Variants in TBL1X observed in about 807,000 individuals in gnomAD.
TBL1X encodes transducin beta like 1 X-linked.
In TBL1X, 10 loss-of-function variants were observed where a neutral mutation model predicts 50.7. The observed-to-expected ratio is 0.20, with a 90% CI of 0.12 to 0.33. The LOEUF is 0.33. TBL1X is among the 10% of genes least tolerant of loss of function. The pLI, the probability that TBL1X is intolerant of heterozygous loss-of-function variation, is 1.00. For missense variants in TBL1X, 340 were observed against 504.4 expected, an observed-to-expected ratio of 0.67 and a Z score of 3.12; for synonymous variants, 190 against 214.7, an observed-to-expected ratio of 0.88 and a Z score of 1.01.
At chrX:9,477,653 G>C (rs2081856731) in intron 1 of TBL1X, among the ~76,000 whole-genome samples, 1 of 112,305 alleles carries the variant, frequency 8.9e-6, no homozygotes, top group Admixed American at 9.4e-5. Flanking sequence ...AATTAAGTCA[G>C]TTTTCTTAAA....
intron 7 of TBL1X, among the ~76,000 whole-genome samples, chrX:9,689,371 G>A (rs1032773225): frequency 8.9e-6 from 1 of 112,397 alleles, no homozygotes; most frequent in East Asian, 2.8e-4. Flanking sequence ...AAAATTCTTG[G>A]AGAAGCAGAT....
At chrX:9,572,579 G>T (rs2082391573) in intron 2 of TBL1X, among the ~76,000 whole-genome samples, 1 of 112,686 alleles carries the variant, frequency 8.9e-6, no homozygotes, top group African/African-American at 3.2e-5. Flanking sequence ...CTCTATCTTT[G>T]GATGTGAGTT....
intron 2 of TBL1X, among the ~76,000 whole-genome samples, chrX:9,634,883 A>G (rs775742398): frequency 9.0e-5 from 10 of 111,492 alleles, no homozygotes; most frequent in Non-Finnish European, 1.7e-4. Context: ...TATTACCCCC[A>G]TTTGATGAGG....
chrX:9,677,267 G>A (rs2082999991), intron 5 of TBL1X, among the ~76,000 whole-genome samples: 1 of 111,359 alleles, frequency 9.0e-6, no homozygotes, highest in African/African-American at 3.3e-5. Context: ...TGCTGACTCC[G>A]CTATGAATAA....
intron 3 of TBL1X, among the ~76,000 whole-genome samples, chrX:9,650,254 G>A (rs1421363855): frequency 1.8e-5 from 2 of 113,061 alleles, no homozygotes; most frequent in Admixed American, 1.9e-4. Flanking sequence ...TTGGCAATGT[G>A]TGCAGGCATT....
chrX:9,592,907 A>G (rs1046350001), intron 2 of TBL1X, among the ~76,000 whole-genome samples: 6 of 111,973 alleles, frequency 5.4e-5, no homozygotes. Flanking sequence ...GAAAGGCCAC[A>G]GTGCCCATGG....
At chrX:9,477,562 A>G (rs2081856173) in intron 1 of TBL1X, among the ~76,000 whole-genome samples, 2 of 112,181 alleles carry the variant, frequency 1.8e-5, no homozygotes, top group Non-Finnish European at 3.8e-5. Context: ...TGGCTTTGCC[A>G]TAAATGTTTG....
intron 2 of TBL1X, among the ~76,000 whole-genome samples, chrX:9,507,531 C>T (rs2082032206): frequency 8.9e-6 from 1 of 112,127 alleles, no homozygotes; most frequent in African/African-American, 3.2e-5. Context: ...GTACTTTATA[C>T]ATTCAATGTT....
chrX:9,486,740 C>G lies in TBL1X; in HGVS notation c.-200-15040C>G, dbSNP rs1441868416. Among the ~76,000 whole-genome samples the G allele has an allele frequency of 2.7e-5, 3 of 111,495 alleles. No homozygotes were observed. In the East Asian group the frequency reaches 8.5e-4, roughly 32 times the overall value. On this transcript the variant is annotated intron_variant, in intron 1 of 17. Coordinates refer to ENST00000645353, the MANE Select transcript of TBL1X (RefSeq NM_005647.4). ...CGCCTTGGGTACATGTTCTCAGGAT[C>G]TCCTGAGGGCCATGTCACGGGCCAT...
chrX:9,506,066 G>A (rs2082024553), intron 2 of TBL1X, among the ~76,000 whole-genome samples: 1 of 112,277 alleles, frequency 8.9e-6, no homozygotes, highest in African/African-American at 3.2e-5. Flanking sequence ...ACACTCCTCA[G>A]CAAATGGAAA....
chrX:9,601,479 C>G lies in TBL1X; in HGVS notation c.-130-38794C>G, dbSNP rs189118159. On this transcript the variant is annotated intron_variant, in intron 2 of 17. Transcript: ENST00000645353. ...TGCTCCTGGAAGCCAGTCACTGAGG[C>G]AGACCTCTTTACTCGTCCAGAAGCA... Among the ~76,000 whole-genome samples the G allele has an allele frequency of 4.5e-5, 5 of 111,803 alleles. No individual in the cohort carries two copies. In the Admixed American group the frequency reaches 4.7e-4, roughly 11 times the overall value.
chrX:9,469,018 C>T (rs2081795537), intron 1 of TBL1X, among the ~76,000 whole-genome samples: 1 of 110,227 alleles, frequency 9.1e-6, no homozygotes, highest in African/African-American at 3.3e-5. Flanking sequence ...CAGGCTCTCA[C>T]TGTGTTGCCC....
At chrX:9,683,425 C>G (rs990950677) in intron 5 of TBL1X, among the ~76,000 whole-genome samples, 1 of 112,070 alleles carries the variant, frequency 8.9e-6, no homozygotes, top group Non-Finnish European at 1.9e-5. Context: ...AGGAAAAGAG[C>G]CAGCATCAAT....
At chrX:9,666,480 C>T (rs901595347) in intron 5 of TBL1X, among the ~76,000 whole-genome samples, 1 of 111,643 alleles carries the variant, frequency 9.0e-6, no homozygotes, top group African/African-American at 3.3e-5. Flanking sequence ...ATTTAGGTCA[C>T]GTGACTCTAA....
At chrX:9,610,606 C>T (rs1318757502) in intron 2 of TBL1X, among the ~76,000 whole-genome samples, 2 of 112,191 alleles carry the variant, frequency 1.8e-5, no homozygotes, top group African/African-American at 6.5e-5. Context: ...TTCAAATTCC[C>T]ATTCTTTTGC....
At chrX:9,466,683 AG>A (rs981008685) in intron 1 of TBL1X, among the ~76,000 whole-genome samples, 2 of 112,462 alleles carry the variant, frequency 1.8e-5, no homozygotes, top group Non-Finnish European at 3.8e-5. Context: ...GGTTCCAGGC[AG>A]TGGCTTTGGT....
intron 7 of TBL1X, 107 bp downstream of exon 7, chrX:9,688,382 A>G: frequency 1.4e-6 from 1 of 721,143 alleles, no homozygotes; most frequent in Non-Finnish European, 2.0e-6. Context: ...TAAATGTCTT[A>G]GAAGCTGCTC....
intron 1 of TBL1X, among the ~76,000 whole-genome samples, chrX:9,491,334 A>ATTTTTTT (rs1403355557): frequency 1.3e-4 from 3 of 23,383 alleles, no homozygotes; most frequent in Admixed American, 7.8e-4. Flanking sequence ...ATATATATAT[A>ATTTTTTT]TATATTTTTT....
intron 1 of TBL1X, among the ~76,000 whole-genome samples, chrX:9,485,177 C>T (rs187815539): frequency 1.3e-3 from 147 of 111,763 alleles, no homozygotes; most frequent in Non-Finnish European, 2.1e-3. Context: ...GAATTAGGGG[C>T]TGGGTTAAGA....
Sources: allele counts gnomAD v4.1 joint callset (sites outside exome capture counted in the v4.1 genomes callset), GRCh38; gene constraint gnomAD v4.1.1; transcripts MANE v1.5; gene names NCBI Gene and HGNC (gene_info 2026-07-23, HGNC 2026-07-21).